The following KIAA0825 variants were observed in gnomAD, a reference collection of about 807,000 sequenced individuals.
KIAA0825 encodes uncharacterized protein KIAA0825.
Under a neutral mutation model 147.6 loss-of-function variants are expected in KIAA0825, and 119 were observed. That is an observed-to-expected ratio of 0.81 (90% confidence interval 0.69 to 0.94). KIAA0825 has a LOEUF of 0.94. KIAA0825 is among the 40% of genes least tolerant of loss of function. The pLI, the probability that KIAA0825 is intolerant of heterozygous loss-of-function variation, is 0.00. For missense variants in KIAA0825, 1,381 were observed against 1,472.7 expected, an observed-to-expected ratio of 0.94 and a Z score of 1.02; for synonymous variants, 470 against 518.1, an observed-to-expected ratio of 0.91 and a Z score of 1.26.
At chr5:94,167,163 G>A (rs962557770) in intron 20 of KIAA0825, among the ~76,000 whole-genome samples, 12 of 151,968 alleles carry the variant, frequency 7.9e-5, no homozygotes, top group Non-Finnish European at 1.5e-4. Flanking sequence ...TTTCTGATAC[G>A]TTCTCCGGAT....
chr5:94,477,547 T>C (rs983498776), intron 6 of KIAA0825, among the ~76,000 whole-genome samples: 4 of 152,086 alleles, frequency 2.6e-5, no homozygotes, highest in African/African-American at 4.8e-5. Flanking sequence ...AGGTTGATAA[T>C]GTAAGAGGAC....
Position 94,484,869 on chromosome 5 carries a change from G to A in KIAA0825, c.1032C>T (p.Phe344=). ...TAAAGGATTTTATGAGCTGCGATAAGAATTCGACTTTGTCTAAAGGGAGAG... is the reference window on the plus strand; with the variant it reads ...TAAAGGATTTTATGAGCTGCGATAAAAATTCGACTTTGTCTAAAGGGAGAG... The part of the protein sequence containing the change: ...NFSLPLDKVE[F]LSQLIKSFMK... Residue 344 remains phenylalanine, a synonymous_variant, in exon 6 of 21, where the codon TTC becomes TTT. Transcript: ENST00000682413. 1.3e-6 allele frequency: 2 copies of A among 1,539,706 alleles called. No homozygotes were observed. The highest frequency in any genetic ancestry group is 1.8e-6 in the Non-Finnish European group (2 of 1,138,718).
chr5:94,239,318 T>C lies in KIAA0825; in HGVS notation c.3711-85194A>G, dbSNP rs570405554. Among the ~76,000 whole-genome samples the C allele has an allele frequency of 9.2e-5, 14 of 152,322 alleles. No individual in the cohort carries two copies. In the South Asian group the frequency reaches 1.2e-3, roughly 14 times the overall value. On this transcript the variant is annotated intron_variant, in intron 20 of 20. Coordinates refer to ENST00000682413, the MANE Select transcript of KIAA0825 (RefSeq NM_001145678.3). Reference sequence around the variant, plus strand: ...AGGTCTACACAGGTGTCAATAAATATGAGAAACGGTCTCAGAGTTCTGTGT... The same window carrying C: ...AGGTCTACACAGGTGTCAATAAATACGAGAAACGGTCTCAGAGTTCTGTGT...
chr5:94,317,434 C>T (rs534631996), intron 20 of KIAA0825, among the ~76,000 whole-genome samples: 26 of 152,002 alleles, frequency 1.7e-4, no homozygotes, highest in African/African-American at 5.3e-4. Flanking sequence ...TTGACTTTGG[C>T]GCTGAAGGCT....
chr5:94,320,957 G>A (rs991629189), intron 20 of KIAA0825, among the ~76,000 whole-genome samples: 1 of 152,016 alleles, frequency 6.6e-6, no homozygotes, highest in Non-Finnish European at 1.5e-5. Flanking sequence ...TATGCTACAG[G>A]AGAAGGGAAA....
chr5:94,252,938 A>G (rs1460419302), intron 20 of KIAA0825, among the ~76,000 whole-genome samples: 1 of 151,980 alleles, frequency 6.6e-6, no homozygotes, highest in Non-Finnish European at 1.5e-5. Context: ...TTTTCTATTC[A>G]GCTTAAGACA....
At chr5:94,404,484 A>G (rs2150631808) in intron 15 of KIAA0825, among the ~76,000 whole-genome samples, 1 of 150,978 alleles carries the variant, frequency 6.6e-6, no homozygotes, top group Admixed American at 6.6e-5. Flanking sequence ...CTTTCTTTAC[A>G]AATGGTCAAT....
At chr5:94,526,976 T>C (rs1305143537) in intron 3 of KIAA0825, among the ~76,000 whole-genome samples, 1 of 152,026 alleles carries the variant, frequency 6.6e-6, no homozygotes, top group Non-Finnish European at 1.5e-5. Context: ...GAGGAGATTA[T>C]ATGCAAGGAT....
intron 1 of KIAA0825, among the ~76,000 whole-genome samples, chr5:94,588,119 G>A (rs778336981): frequency 6.6e-6 from 1 of 152,114 alleles, no homozygotes; most frequent in South Asian, 2.1e-4. Context: ...TACCATTCCC[G>A]ACATAGGCAT....
At chr5:94,405,800 G>A (rs1751977851) in intron 15 of KIAA0825, among the ~76,000 whole-genome samples, 1 of 152,108 alleles carries the variant, frequency 6.6e-6, no homozygotes, top group African/African-American at 2.4e-5. Context: ...GGGATGGCTT[G>A]GAGCAATCCA....
intron 20 of KIAA0825, among the ~76,000 whole-genome samples, chr5:94,282,328 T>G (rs530220445): frequency 6.6e-6 from 1 of 152,048 alleles, no homozygotes; most frequent in African/African-American, 2.4e-5. Context: ...ATTTTAAAAT[T>G]TATATGATTA....
chr5:94,453,285 G>C (rs1263111244), intron 12 of KIAA0825, among the ~76,000 whole-genome samples: 1 of 151,458 alleles, frequency 6.6e-6, no homozygotes, highest in Non-Finnish European at 1.5e-5. Flanking sequence ...CGATTCTCCT[G>C]CTTCAGCCTC....
intron 20 of KIAA0825, among the ~76,000 whole-genome samples, chr5:94,163,343 A>T (rs1213951509): frequency 6.6e-6 from 1 of 152,174 alleles, no homozygotes; most frequent in Non-Finnish European, 1.5e-5. Context: ...TGACACCAAA[A>T]ACTAAATGTT....
At chr5:94,155,381 C>A (rs1408791686) in intron 20 of KIAA0825, among the ~76,000 whole-genome samples, 2 of 151,358 alleles carry the variant, frequency 1.3e-5, no homozygotes, top group African/African-American at 4.9e-5. Flanking sequence ...CCATGCCTGG[C>A]CAATTTTTTT....
intron 1 of KIAA0825, among the ~76,000 whole-genome samples, chr5:94,599,595 G>A (rs891561823): frequency 6.6e-6 from 1 of 151,996 alleles, no homozygotes; most frequent in African/African-American, 2.4e-5. Context: ...TGACACTGGA[G>A]TAGGCAATGG....
intron 5 of KIAA0825, among the ~76,000 whole-genome samples, chr5:94,505,623 ATGTC>A (rs1765655752): frequency 6.6e-6 from 1 of 152,228 alleles, no homozygotes; most frequent in African/African-American, 2.4e-5. Flanking sequence ...TTGTATAAAG[ATGTC>A]TGTCTTTTTT....
intron 20 of KIAA0825, among the ~76,000 whole-genome samples, chr5:94,337,028 A>G (rs1191413049): frequency 6.6e-6 from 1 of 152,226 alleles, no homozygotes; most frequent in African/African-American, 2.4e-5. Flanking sequence ...ATGTGCCTCA[A>G]AAACATTACC....
At chr5:94,190,209 C>T (rs1463184322) in intron 20 of KIAA0825, among the ~76,000 whole-genome samples, 3 of 152,182 alleles carry the variant, frequency 2.0e-5, no homozygotes, top group Admixed American at 6.5e-5. Flanking sequence ...TAGCCGATCA[C>T]GTCATTTGCA....
At chr5:94,229,054 C>A (rs967278396) in intron 20 of KIAA0825, among the ~76,000 whole-genome samples, 1 of 152,108 alleles carries the variant, frequency 6.6e-6, no homozygotes, top group Non-Finnish European at 1.5e-5. Context: ...ACCTTTAATC[C>A]AGACTGTCTA....
Sources: gnomAD v4.1 joint callset for allele counts (sites outside exome capture counted in the v4.1 genomes callset) on GRCh38, gnomAD v4.1.1 for gene constraint, MANE v1.5 for transcripts, NCBI Gene and HGNC (gene_info 2026-07-23, HGNC 2026-07-21) for gene names.